The following COG8 variants were observed in gnomAD, a reference collection of about 807,000 sequenced individuals.
COG8 encodes conserved oligomeric Golgi complex subunit 8.
In COG8, 45 loss-of-function variants were observed where a neutral mutation model predicts 46.5. The ratio of observed to expected loss-of-function variants is 0.97; its 90% CI spans 0.76 to 1.24. COG8 has a LOEUF of 1.24. COG8 is among the 50% of genes most tolerant of loss of function. COG8 has a pLI of 0.00. For missense variants in COG8, 793 were observed against 820.8 expected (o/e 0.97, Z 0.41); for synonymous variants, 407 against 347.8 (o/e 1.17, Z -1.90).
At chr16:69,332,406 T>C (rs1338233394) in intron 4 of COG8, among the ~76,000 whole-genome samples, 2 of 152,202 alleles carry the variant, frequency 1.3e-5, no homozygotes, top group Admixed American at 6.5e-5. Flanking sequence ...AATGGAATCA[T>C]ACGTATGTAG....
chr16:69,330,551 G>C (rs948841620), intron 5 of COG8: 5 of 1,469,284 alleles, frequency 3.4e-6, no homozygotes, highest in East Asian at 5.8e-5. Flanking sequence ...AAGACTCAGC[G>C]CGCCCCACAG....
Position 69,331,250 on chromosome 16 carries a change from C to T in COG8, c.1583-155G>A, listed in dbSNP as rs139824417. On this transcript the variant is annotated intron_variant, in intron 4 of 5. Coordinates refer to ENST00000306875, the MANE Select transcript of COG8 (RefSeq NM_032382.5). Reference sequence around the variant, plus strand: ...GGCGGATCACCTGAGGTCAGGAATTCGAGACCAGCCTGACCCACACGGAGA... The same window carrying T: ...GGCGGATCACCTGAGGTCAGGAATTTGAGACCAGCCTGACCCACACGGAGA... Among the ~76,000 whole-genome samples the T allele has an allele frequency of 5.6e-3, 844 of 151,706 alleles. 43 individuals are homozygous for T. In the South Asian group the frequency reaches 0.12, roughly 22 times the overall value.
chr16:69,336,833 CCA>C, intron 1 of COG8, 121 bp from the exon 2 acceptor site: 1 of 879,098 alleles, frequency 1.1e-6, no homozygotes, highest in Non-Finnish European at 1.9e-6. Context: ...TCCTCACACC[CCA>C]CCTATAAGGT....
intron 5 of COG8, chr16:69,330,337 C>T: frequency 1.4e-6 from 2 of 1,458,788 alleles, no homozygotes; most frequent in South Asian, 1.3e-5. Flanking sequence ...CCGGGGCCGC[C>T]ACGCCGCGCA....
chr16:69,336,302 A>G (rs1414759698), intron 2 of COG8, among the ~76,000 whole-genome samples: 1 of 152,124 alleles, frequency 6.6e-6, no homozygotes, highest in Non-Finnish European at 1.5e-5. Flanking sequence ...CTTTATTCAC[A>G]CTGTATCCCC....
Position 69,329,007 on chromosome 16 carries a change from C to G in COG8, c.*199G>C. On this transcript the variant is annotated 3_prime_UTR_variant, in exon 6 of 6. Coordinates refer to ENST00000306875, the MANE Select transcript of COG8 (RefSeq NM_032382.5). ...CGTCTTGGTATCCGGAATCCTCAGC[C>G]CCAGTAGCAAAGCTTTAGTCATTCA... 1 of 1,600,614 alleles carries G rather than the reference C, an allele frequency of 6.2e-7. No individual in the cohort carries two copies. Among genetic ancestry groups the G allele is most frequent in the South Asian group, 1.1e-5 (1 of 89,044 alleles).
At chr16:69,336,844 G>A in intron 1 of COG8, 132 bp from the exon 2 acceptor site, 1 of 821,518 alleles carries the variant, frequency 1.2e-6, no homozygotes, top group Admixed American at 2.1e-5. Context: ...CACCTATAAG[G>A]TAAGTATTAT....
At chr16:69,339,020 C>A in intron 1 of COG8, 156 bp downstream of exon 1, 1 of 997,300 alleles carries the variant, frequency 1.0e-6, no homozygotes, top group South Asian at 1.5e-5. Context: ...AATAACAGTA[C>A]CTATCTCGAA....
chr16:69,329,724 G>A (rs926552385), intron 5 of COG8, among the ~76,000 whole-genome samples: 6 of 152,264 alleles, frequency 3.9e-5, no homozygotes, highest in Non-Finnish European at 8.8e-5. Flanking sequence ...GCCGAAGAGC[G>A]TGTTTGCCTC....
rs774789065 is a variant in COG8 at position 69,335,187 on chromosome 16, C to T, written c.747G>A (p.Gln249=). 4 of 1,614,064 alleles carry T rather than the reference C, an allele frequency of 2.5e-6. No individual in the cohort carries two copies. The East Asian group carries it at 6.7e-5, about 27-fold the overall frequency. Residue 249 remains glutamine, a synonymous_variant, in exon 3 of 6, where the codon CAG becomes CAA. Coordinates refer to ENST00000306875, the MANE Select transcript of COG8 (RefSeq NM_032382.5). ...TEAELRVKFL[Q]ARDAWLRSIL... ...TGGACCGGAGCCAAGCATCTCGGGC[C>T]TGAAGAAACTTCACCCTCAACTCAG...
At chr16:69,329,935 G>A (rs1348178811) in intron 5 of COG8, 27 of 1,454,256 alleles carry the variant, frequency 1.9e-5, no homozygotes, top group South Asian at 5.4e-5. Context: ...CTGCGCTCTC[G>A]CGGAGTCGGG....
Position 69,326,960 on chromosome 16 carries a change from G to A in COG8, c.*2246C>T, listed in dbSNP as rs1046746355. The A allele has an allele frequency of 7.2e-5, 11 of 152,114 alleles. No homozygotes were observed. The highest frequency in any genetic ancestry group is 5.2e-4 in the Admixed American group (8 of 15,250). The allele number at this position is 152,114 out of a possible 1,614,324, so 9.4% of individuals were successfully genotyped here. A position where few individuals can be genotyped will look rare whatever the true frequency, so the allele number is the denominator to read the frequency against. On this transcript the variant is annotated 3_prime_UTR_variant, in exon 6 of 6. Coordinates refer to ENST00000306875, the MANE Select transcript of COG8 (RefSeq NM_032382.5). The stretch of plus-strand genomic sequence containing the variant: ...TGCTACCGATGCCCACCACAAAAGC[G>A]TTAACCTCAGAAAGCTATAAGAAGC...
At chr16:69,330,215 G>A (rs943048907) in intron 5 of COG8, 4 of 1,452,664 alleles carry the variant, frequency 2.8e-6, no homozygotes, top group Admixed American at 2.8e-5. Context: ...CACCTGCCGC[G>A]GCACCCCCAG....
chr16:69,329,702 G>A (rs984708823), intron 5 of COG8, among the ~76,000 whole-genome samples: 5 of 152,226 alleles, frequency 3.3e-5, no homozygotes, highest in Admixed American at 6.5e-5. Flanking sequence ...CACCGTGGCG[G>A]ATCTAACTGG....
At chr16:69,331,485 T>A (rs906312296) in intron 4 of COG8, among the ~76,000 whole-genome samples, 12 of 143,338 alleles carry the variant, frequency 8.4e-5, no homozygotes, top group Middle Eastern at 3.6e-3. Context: ...AAAGGAAATT[T>A]AAGGGAAAAA....
chr16:69,334,189 G>A (rs781554165), intron 3 of COG8, among the ~76,000 whole-genome samples: 1 of 152,232 alleles, frequency 6.6e-6, no homozygotes, highest in Non-Finnish European at 1.5e-5. Flanking sequence ...AGAGGACCCG[G>A]TTGTGCTGTG....
At position 69,334,912 on chromosome 16, in the gene COG8, T is replaced by C. The variant is rs1442686742; in HGVS notation, c.1022A>G (p.His341Arg). The C allele has an allele frequency of 2.5e-6, 4 of 1,614,002 alleles. No homozygotes were observed. The East Asian group carries it at 6.7e-5, about 27-fold the overall frequency. ...GCACTGGCCCAGCAGAGAGTCCAGG[T>C]GGCCGCCTATGCCCCGGTAAAGGTC... is the stretch of plus-strand genomic sequence containing the variant. ...ETDLYRGIGGHLDSLLGQCMY... is the reference protein window; with the variant it reads ...ETDLYRGIGGRLDSLLGQCMY... The change falls in exon 3 of 6, where the codon CAC becomes CGC. Residue 341 changes from histidine (H) to arginine (R), a missense_variant. By Grantham distance (29) the His-to-Arg change is conservative. Transcript: ENST00000306875.
At position 69,328,921 on chromosome 16, in the gene COG8, T is replaced by A; in HGVS notation, c.*285A>T. On this transcript the variant is annotated 3_prime_UTR_variant, in exon 6 of 6. Transcript: ENST00000306875. The stretch of plus-strand genomic sequence containing the variant: ...GCCTTGGCAATCCAGTTTCCTGTCA[T>A]ATGCGAGCCATCCAAGTTGATGCCA... 1 of 1,461,446 alleles carries A rather than the reference T, an allele frequency of 6.8e-7. No homozygotes were observed. 90.5% of individuals were successfully genotyped at this position (1,461,446 alleles called of 1,614,324 possible). A position where few individuals can be genotyped will look rare whatever the true frequency, so the allele number is the denominator to read the frequency against.
Position 69,328,992 on chromosome 16 carries a change from T to G in COG8, c.*214A>C. 1 of 1,590,436 alleles carries G rather than the reference T, an allele frequency of 6.3e-7. No homozygotes were observed. The highest frequency in any genetic ancestry group is 8.5e-7 in the Non-Finnish European group (1 of 1,173,418). ...AAGTGAAAGTGTTTGCGTCTTGGTATCCGGAATCCTCAGCCCCAGTAGCAA... is the reference window on the plus strand; with the variant it reads ...AAGTGAAAGTGTTTGCGTCTTGGTAGCCGGAATCCTCAGCCCCAGTAGCAA... On this transcript the variant is annotated 3_prime_UTR_variant, in exon 6 of 6. Coordinates refer to ENST00000306875, the MANE Select transcript of COG8 (RefSeq NM_032382.5).
Sources: gnomAD v4.1 joint callset for allele counts (sites outside exome capture counted in the v4.1 genomes callset) on GRCh38, gnomAD v4.1.1 for gene constraint, MANE v1.5 for transcripts, NCBI Gene and HGNC (gene_info 2026-07-23, HGNC 2026-07-21) for gene names.